PLCG2: variants seen among roughly 807,000 people sequenced by gnomAD.
PLCG2 encodes the protein phospholipase C gamma 2.
Under a neutral mutation model 175.6 loss-of-function variants are expected in PLCG2, and 69 were observed. The observed-to-expected ratio is 0.39, with a 90% CI of 0.32 to 0.48. PLCG2 has a LOEUF of 0.48. Ranked by LOEUF, PLCG2 falls within the 20% of genes least tolerant of loss-of-function variation. The probability of loss-of-function intolerance (pLI) is 0.91; values close to 1 mark genes in which losing one functional copy is unlikely to be tolerated. For synonymous variants in PLCG2, 827 were observed against 624.0 expected (o/e 1.33, Z -4.85); for missense variants, 1,798 against 1,650.9 (o/e 1.09, Z -1.54).
At position 81,816,557 on chromosome 16, in the gene PLCG2, C is replaced by T. The variant is rs537682124; in HGVS notation, c.193+30375C>T. ...CCATGGTGCAATCACAGCTCAACTA[C>T]TGCCTTGACCTCCTGGGCTCAAATG... is the stretch of plus-strand genomic sequence containing the variant. On this transcript the variant is annotated intron_variant, in intron 2 of 32. Coordinates refer to ENST00000564138, the MANE Select transcript of PLCG2 (RefSeq NM_002661.5). Among the ~76,000 whole-genome samples, 3 of 150,966 alleles carry T rather than the reference C, an allele frequency of 2.0e-5. No homozygotes were observed. In the East Asian group the frequency reaches 5.9e-4, roughly 30 times the overall value.
chr16:81,909,577 TG>T (rs1175412805), intron 17 of PLCG2, among the ~76,000 whole-genome samples: 1 of 152,142 alleles, frequency 6.6e-6, no homozygotes, highest in African/African-American at 2.4e-5. Flanking sequence ...CCACGACACC[TG>T]AATAACTTTT....
At chr16:81,829,872 G>A (rs1309974259) in intron 2 of PLCG2, among the ~76,000 whole-genome samples, 2 of 151,866 alleles carry the variant, frequency 1.3e-5, no homozygotes, top group East Asian at 1.9e-4. Context: ...GTGGGGGGGC[G>A]TGTGTATTTC....
chr16:81,942,429 G>T (rs1910981661), intron 30 of PLCG2, among the ~76,000 whole-genome samples: 1 of 152,176 alleles, frequency 6.6e-6, no homozygotes, highest in African/African-American at 2.4e-5. Flanking sequence ...CTTCTTTCTA[G>T]CTCCTAGCAG....
intron 5 of PLCG2, among the ~76,000 whole-genome samples, chr16:81,859,997 G>T (rs543081900): frequency 6.6e-6 from 1 of 151,872 alleles, no homozygotes; most frequent in East Asian, 1.9e-4. Context: ...TAGAGGCAGG[G>T]TCTCTGTCTG....
chr16:81,834,122 C>T (rs553544224), intron 2 of PLCG2, among the ~76,000 whole-genome samples: 20 of 152,274 alleles, frequency 1.3e-4, no homozygotes, highest in Admixed American at 4.6e-4. Context: ...GCATCAAAAC[C>T]CAGCCAGGTG....
chr16:81,905,862 G>A (rs548706827), intron 15 of PLCG2, among the ~76,000 whole-genome samples: 8 of 152,044 alleles, frequency 5.3e-5, no homozygotes, highest in East Asian at 3.9e-4. Context: ...ATTTAGTCGT[G>A]TTGCCCAGGG....
chr16:81,907,042 A>C (rs1416471291), intron 15 of PLCG2, among the ~76,000 whole-genome samples: 6 of 151,774 alleles, frequency 4.0e-5, no homozygotes, highest in Non-Finnish European at 7.4e-5. Context: ...GTCTCAAAAA[A>C]AAAAAAAAAA....
At chr16:81,870,099 A>G (rs557068848) in intron 6 of PLCG2, among the ~76,000 whole-genome samples, 4 of 152,328 alleles carry the variant, frequency 2.6e-5, no homozygotes, top group African/African-American at 7.2e-5. Flanking sequence ...ACCTGCCCCC[A>G]ATATTCCACA....
At chr16:81,808,294 G>C (rs1357521074) in intron 2 of PLCG2, among the ~76,000 whole-genome samples, 2 of 152,072 alleles carry the variant, frequency 1.3e-5, no homozygotes, top group Admixed American at 1.3e-4. Flanking sequence ...GGCTGTTTTG[G>C]AGGCAAACCC....
At chr16:81,910,785 C>T (rs1567528762) in intron 18 of PLCG2, 65 bp downstream of exon 18, 7 of 1,468,720 alleles carry the variant, frequency 4.8e-6, no homozygotes, top group Non-Finnish European at 4.7e-6. Context: ...GGCAGAGAAG[C>T]TGGCCTGGTG....
intron 19 of PLCG2, among the ~76,000 whole-genome samples, chr16:81,916,297 GAAAA>G (rs35559608): frequency 6.7e-6 from 1 of 149,808 alleles, no homozygotes; most frequent in African/African-American, 2.4e-5. Flanking sequence ...TTTAAAAAAA[GAAAA>G]AAAACAACGT....
chr16:81,960,587 A>G lies in PLCG2; in HGVS notation c.*2589A>G, dbSNP rs1238408294. 8.6e-6 allele frequency: 2 copies of G among 231,722 alleles called. No homozygotes were observed. Among genetic ancestry groups the G allele is most frequent in the Non-Finnish European group, 1.7e-5 (2 of 117,074 alleles). 14.4% of individuals were successfully genotyped at this position (231,722 alleles called of 1,614,324 possible). A position where few individuals can be genotyped will look rare whatever the true frequency, so the allele number is the denominator to read the frequency against. ...CTGTGAGACTAGATGTGCAGGAGTG[A>G]AAGGTGTAGAGGGTCTTGTTTTCCA... On this transcript the variant is annotated 3_prime_UTR_variant, in exon 33 of 33. Coordinates refer to ENST00000564138, the MANE Select transcript of PLCG2 (RefSeq NM_002661.5).
intron 7 of PLCG2, among the ~76,000 whole-genome samples, chr16:81,872,204 C>A (rs1371569769): frequency 6.6e-6 from 1 of 151,972 alleles, no homozygotes; most frequent in East Asian, 1.9e-4. Flanking sequence ...GGTGTGCACC[C>A]GTAATCCCAG....
chr16:81,788,232 A>G (rs959219307), intron 2 of PLCG2, among the ~76,000 whole-genome samples: 5 of 152,202 alleles, frequency 3.3e-5, no homozygotes, highest in East Asian at 3.8e-4. Context: ...ATATATGGGT[A>G]TATCTGAAGG....
At position 81,817,037 on chromosome 16, in the gene PLCG2, A is replaced by G. The variant is rs535346566; in HGVS notation, c.193+30855A>G. Among the ~76,000 whole-genome samples the G allele has an allele frequency of 3.9e-5, 6 of 152,310 alleles. No individual in the cohort carries two copies. In the South Asian group the frequency reaches 1.2e-3, roughly 32 times the overall value. ...CACTGGATGCGTTAGATGCTGGGGA[A>G]ATAGAGGCACAACCATCACAGTGTC... On this transcript the variant is annotated intron_variant, in intron 2 of 32. Coordinates refer to ENST00000564138, the MANE Select transcript of PLCG2 (RefSeq NM_002661.5).
chr16:81,917,058 C>T (rs1909873848), intron 19 of PLCG2, among the ~76,000 whole-genome samples: 1 of 152,160 alleles, frequency 6.6e-6, no homozygotes, highest in Non-Finnish European at 1.5e-5. Context: ...CCTACCTCCC[C>T]CTGCCCCGGA....
intron 2 of PLCG2, among the ~76,000 whole-genome samples, chr16:81,841,110 T>A (rs1485388636): frequency 6.6e-6 from 1 of 152,238 alleles, no homozygotes; most frequent in African/African-American, 2.4e-5. Flanking sequence ...TCGCCTCTGC[T>A]GTCAGCGCAG....
At chr16:81,889,546 G>C (rs749327200) in intron 10 of PLCG2, 1 of 298,858 alleles carries the variant, frequency 3.3e-6, no homozygotes, top group Non-Finnish European at 6.2e-6. Context: ...TAGGGAAAGA[G>C]CTTAACTCAC....
At chr16:81,956,177 CA>C (rs1911560126) in intron 31 of PLCG2, among the ~76,000 whole-genome samples, 1 of 152,184 alleles carries the variant, frequency 6.6e-6, no homozygotes, top group Non-Finnish European at 1.5e-5. Context: ...GAGTTGGGCT[CA>C]TTCACTTAGC....
Sources: gnomAD v4.1 joint callset for allele counts (sites outside exome capture counted in the v4.1 genomes callset) on GRCh38, gnomAD v4.1.1 for gene constraint, MANE v1.5 for transcripts, NCBI Gene and HGNC (gene_info 2026-07-23, HGNC 2026-07-21) for gene names.